Variants in MARF1 observed in about 807,000 individuals in gnomAD.
MARF1 encodes meiosis regulator and mRNA stability factor 1.
Under a neutral mutation model 168.2 loss-of-function variants are expected in MARF1, and 24 were observed. The ratio of observed to expected loss-of-function variants is 0.14; its 90% CI spans 0.10 to 0.20. The LOEUF is 0.20. MARF1 is among the 10% of genes least tolerant of loss of function. The probability of loss-of-function intolerance (pLI) is 1.00; values close to 1 mark genes in which losing one functional copy is unlikely to be tolerated. For missense variants in MARF1, 1,744 were observed against 2,143.6 expected (o/e 0.81, Z 3.68); for synonymous variants, 868 against 822.4 (o/e 1.06, Z -0.95).
chr16:15,620,961 A>AACTAAAAGAAGAT (rs924635769), intron 12 of MARF1, among the ~76,000 whole-genome samples: 1 of 152,184 alleles, frequency 6.6e-6, no homozygotes, highest in Non-Finnish European at 1.5e-5. Context: ...ATCCAAACAA[A>AACTAAAAGAAGAT]ACTAAAAGAA....
intron 11 of MARF1, among the ~76,000 whole-genome samples, chr16:15,622,289 T>C (rs907561837): frequency 6.6e-5 from 10 of 152,072 alleles, no homozygotes; most frequent in Non-Finnish European, 1.2e-4. Context: ...TCAAATATAA[T>C]AAGGCATAAA....
Position 15,639,090 on chromosome 16 carries a change from C to T in MARF1, c.144G>A (p.Thr48=), listed in dbSNP as rs1489186615. The T allele has an allele frequency of 1.2e-6, 2 of 1,612,934 alleles. No homozygotes were observed. The highest frequency in any genetic ancestry group is 1.7e-6 in the Non-Finnish European group (2 of 1,179,542). Residue 48 remains threonine, a splice_region_variant and synonymous_variant, in exon 2 of 27, where the codon ACG becomes ACA. Transcript: ENST00000396368. ...CATCCTTAGTCTTGCATATAGTTAC[C>T]GTTTGGGGACTATGTGGCAGCGTCT... ...PEQTLPHSPQ[T]KEYMENKKVA... is the part of the protein sequence containing the mutation.
chr16:15,597,638 G>A (rs2031872693), intron 26 of MARF1, among the ~76,000 whole-genome samples: 1 of 152,210 alleles, frequency 6.6e-6, no homozygotes, highest in South Asian at 2.1e-4. Flanking sequence ...CCCATGGAAG[G>A]TGAGAGTGGC....
intron 7 of MARF1, 94 bp downstream of exon 7, chr16:15,630,238 C>T: frequency 8.7e-7 from 1 of 1,145,138 alleles, no homozygotes. Context: ...AAGAACAGCC[C>T]CATCTGGGCC....
intron 7 of MARF1, among the ~76,000 whole-genome samples, chr16:15,627,355 C>T (rs1228095309): frequency 6.6e-6 from 1 of 152,122 alleles, no homozygotes; most frequent in Non-Finnish European, 1.5e-5. Context: ...CACGGTGGCT[C>T]ACGCCTGTAA....
chr16:15,611,158 G>A (rs28509427), intron 18 of MARF1, 50 bp from the exon 19 acceptor site: 150,122 of 1,585,962 alleles, frequency 0.095, 11,072 homozygotes, highest in African/African-American at 0.4. Context: ...ATCATCGGTA[G>A]AAGAACTACA....
Position 15,625,191 on chromosome 16 carries a change from C to T in MARF1, c.1954-18G>A, listed in dbSNP as rs1192666723. On this transcript the variant is annotated intron_variant, in intron 8 of 26. Transcript: ENST00000396368. Reference sequence around the variant, plus strand: ...CACAGCTCCTTCAAAGACACAAGCACAGTGGGGTTTAAATTTTAAGTACCC... The same window carrying T: ...CACAGCTCCTTCAAAGACACAAGCATAGTGGGGTTTAAATTTTAAGTACCC... 3 of 1,609,096 alleles carry T rather than the reference C, an allele frequency of 1.9e-6. No homozygotes were observed. The highest frequency in any genetic ancestry group is 8.5e-7 in the Non-Finnish European group (1 of 1,176,846).
rs2033334641 is a variant in MARF1, at chr16:15,609,527, A to G, written c.3950T>C (p.Leu1317Ser). 6.2e-7 allele frequency: 1 copy of G among 1,611,126 alleles called. No individual in the cohort carries two copies. Among genetic ancestry groups the G allele is most frequent in the African/African-American group, 1.3e-5 (1 of 74,964 alleles). ...LELFEAIPDTLQVLECGEEKI... is the reference protein window; with the variant it reads ...LELFEAIPDTSQVLECGEEKI... ...AATTAGAATTTCTTCACTCACTTGT[A>G]AAGTATCAGGTATGGCTTCAAAAAG... Residue 1317 changes from leucine to serine, a missense_variant, in exon 20 of 27, where the codon TTA (leucine) becomes TCA (serine). Coordinates refer to ENST00000396368, the MANE Select transcript of MARF1 (RefSeq NM_014647.4).
chr16:15,631,285 T>C (rs2035235501), intron 6 of MARF1, 96 bp downstream of exon 6: 2 of 839,608 alleles, frequency 2.4e-6, no homozygotes, highest in Non-Finnish European at 4.0e-6. Context: ...CTTCAGCCTC[T>C]TTGGGGATAC....
At chr16:15,623,433 C>A (rs1371867160) in intron 10 of MARF1, among the ~76,000 whole-genome samples, 2 of 151,952 alleles carry the variant, frequency 1.3e-5, no homozygotes, top group Middle Eastern at 3.2e-3. Context: ...GCATGCACCA[C>A]TACACCCAGC....
chr16:15,640,768 C>T (rs1280272565), intron 1 of MARF1, among the ~76,000 whole-genome samples: 1 of 152,198 alleles, frequency 6.6e-6, no homozygotes, highest in East Asian at 1.9e-4. Context: ...GGGACACAGA[C>T]ACACTCATTC....
chr16:15,622,857 T>G lies in MARF1; in HGVS notation c.2460+77A>C, dbSNP rs1443154373. On this transcript the variant is annotated intron_variant, in intron 11 of 26. Transcript: ENST00000396368. ...CACTTCTATCCCGGCTGTGGTTATGTATATCAAATTAGGTCCTCTTGACTA... is the reference window on the plus strand; with the variant it reads ...CACTTCTATCCCGGCTGTGGTTATGGATATCAAATTAGGTCCTCTTGACTA... 5 of 1,175,020 alleles carry G rather than the reference T, an allele frequency of 4.3e-6. No individual in the cohort carries two copies. The Admixed American group carries it at 1.2e-4, about 29-fold the overall frequency. 72.8% of individuals were successfully genotyped at this position (1,175,020 alleles called of 1,614,324 possible). A position where few individuals can be genotyped will look rare whatever the true frequency, so the allele number is the denominator to read the frequency against.
chr16:15,636,355 A>G lies in MARF1; in HGVS notation c.145-13T>C, dbSNP rs2035599966. On this transcript the variant is annotated splice_polypyrimidine_tract_variant and intron_variant, in intron 2 of 26. Coordinates refer to ENST00000396368, the MANE Select transcript of MARF1 (RefSeq NM_014647.4). ...CCATGTACTCTTTCTGAGAAAAGAA[A>G]ATCAGAACATAAATTAATTTTATGA... 2.0e-6 allele frequency: 3 copies of G among 1,519,636 alleles called. No homozygotes were observed. In the South Asian group the frequency reaches 4.0e-5, roughly 20 times the overall value. The allele number at this position is 1,519,636 out of a possible 1,614,324, so 94.1% of individuals were successfully genotyped here. A position where few individuals can be genotyped will look rare whatever the true frequency, so the allele number is the denominator to read the frequency against.
chr16:15,619,476 T>C (rs542933609), intron 13 of MARF1, among the ~76,000 whole-genome samples: 2 of 152,274 alleles, frequency 1.3e-5, no homozygotes, highest in Admixed American at 6.5e-5. Flanking sequence ...GAGAAGAGTC[T>C]TCCTGCAGCA....
intron 6 of MARF1, among the ~76,000 whole-genome samples, 166 bp downstream of exon 6, chr16:15,631,215 C>T (rs1291108602): frequency 1.3e-5 from 2 of 152,200 alleles, no homozygotes; most frequent in African/African-American, 4.8e-5. Context: ...CAGAAATCCA[C>T]CTAGACCCAA....
Position 15,608,277 on chromosome 16 carries a change from A to AC in MARF1, c.4182+13_4182+14insG. 13 of 1,487,430 alleles carry AC rather than the reference A, an allele frequency of 8.7e-6. No individual in the cohort carries two copies. The highest frequency in any genetic ancestry group is 1.3e-5 in the South Asian group (1 of 79,578). 92.1% of individuals were successfully genotyped at this position (1,487,430 alleles called of 1,614,324 possible). On this transcript the variant is annotated intron_variant, in intron 21 of 26. Transcript: ENST00000396368. Reference sequence around the variant, plus strand: ...CCATGAGGGAAAAAAAAAAAAAAAAAAAAAAACATTTACCTTCACGACATG... The same window carrying AC: ...CCATGAGGGAAAAAAAAAAAAAAAAACAAAAAACATTTACCTTCACGACATG...
chr16:15,601,763 C>T (rs1487699146), intron 23 of MARF1: 1 of 592,412 alleles, frequency 1.7e-6, no homozygotes, highest in Admixed American at 3.0e-5. Context: ...TCTAGAGTTA[C>T]AGCCTGAAAC....
At chr16:15,613,610 C>G (rs2033770023) in intron 16 of MARF1, among the ~76,000 whole-genome samples, 1 of 151,096 alleles carries the variant, frequency 6.6e-6, no homozygotes. Flanking sequence ...TGCAGTGAGC[C>G]TAGATTGCAC....
Position 15,639,211 on chromosome 16 carries a change from T to G in MARF1, c.23A>C (p.Glu8Ala). 6.2e-7 allele frequency: 1 copy of G among 1,613,970 alleles called. No homozygotes were observed. The highest frequency in any genetic ancestry group is 8.5e-7 in the Non-Finnish European group (1 of 1,179,978). Residue 8 changes from glutamate to alanine, a missense_variant, in exon 2 of 27, where the codon GAG becomes GCG. Glu to Ala is a moderately radical substitution (Grantham distance 107). Around this residue, in one of 7 missense-constraint regions of MARF1, gnomAD observed 318 missense variants for 336.6 expected, o/e 0.94. Transcript: ENST00000396368. MMEGNGTENSCSRTRGWL... is the reference protein window; with the variant it reads MMEGNGTANSCSRTRGWL... Reference sequence around the variant, plus strand: ...TCCACGTGTTCTACTGCAGGAGTTCTCAGTTCCGTTTCCTTCCATCATACA... The same window carrying G: ...TCCACGTGTTCTACTGCAGGAGTTCGCAGTTCCGTTTCCTTCCATCATACA...
Sources: allele counts gnomAD v4.1 joint callset (sites outside exome capture counted in the v4.1 genomes callset), GRCh38; gene constraint gnomAD v4.1.1; regional missense constraint gnomAD v4.1.1; transcripts MANE v1.5; gene names NCBI Gene and HGNC (gene_info 2026-07-23, HGNC 2026-07-21).